The following PRKD1 variants were observed in gnomAD, a reference collection of about 807,000 sequenced individuals.
The protein encoded by PRKD1 is serine/threonine-protein kinase D1.
A neutral mutation model predicts 95.9 loss-of-function variants in PRKD1; 63 were observed. The observed-to-expected ratio is 0.66, with a 90% CI of 0.54 to 0.81. PRKD1 has a LOEUF of 0.81. Ranked by LOEUF, PRKD1 falls within the 30% of genes least tolerant of loss-of-function variation. The probability of loss-of-function intolerance (pLI) is 0.00; values close to 1 mark genes in which losing one functional copy is unlikely to be tolerated. For synonymous variants in PRKD1, 425 were observed against 423.1 expected (o/e 1.00, Z -0.05); for missense variants, 1,048 against 1,165.3 (o/e 0.90, Z 1.47).
intron 1 of PRKD1, among the ~76,000 whole-genome samples, chr14:29,890,023 T>G (rs1893882746): frequency 6.6e-6 from 1 of 152,262 alleles, no homozygotes; most frequent in Admixed American, 6.5e-5. Context: ...AATTTTCTAA[T>G]GAAGTTCTCA....
In PRKD1 at chr14:29,638,559, T is replaced by C. The variant is rs1256161575; in HGVS notation, c.915A>G (p.Arg305=). Residue 305 remains arginine (R), a synonymous_variant, in exon 6 of 18, where the codon AGA becomes AGG. Transcript: ENST00000331968. ...FRQGLQCKDC[R]FNCHKRCAPK... ...GTGCACAACGTTTATGGCAGTTGAA[T>C]CTGCAATCTAATCCCAGTGATTTTC... is the stretch of plus-strand genomic sequence containing the variant. The C allele has an allele frequency of 6.2e-7, 1 of 1,614,184 alleles. No homozygotes were observed. The highest frequency in any genetic ancestry group is 8.5e-7 in the Non-Finnish European group (1 of 1,180,008).
chr14:29,745,361 T>A (rs1048786106), intron 1 of PRKD1, among the ~76,000 whole-genome samples: 4 of 152,204 alleles, frequency 2.6e-5, no homozygotes, highest in African/African-American at 9.6e-5. Flanking sequence ...TACAACAGTG[T>A]CTGGTACACC....
At chr14:29,751,907 T>C (rs1290334012) in intron 1 of PRKD1, among the ~76,000 whole-genome samples, 1 of 152,240 alleles carries the variant, frequency 6.6e-6, no homozygotes, top group Non-Finnish European at 1.5e-5. Flanking sequence ...CATACACATG[T>C]GTACACACAA....
chr14:29,826,018 A>G (rs1381252090), intron 1 of PRKD1, among the ~76,000 whole-genome samples: 1 of 151,784 alleles, frequency 6.6e-6, no homozygotes, highest in East Asian at 1.9e-4. Flanking sequence ...TGGTACATGC[A>G]TGTTTATAGT....
chr14:29,769,227 C>G (rs1404735882), intron 1 of PRKD1, among the ~76,000 whole-genome samples: 6 of 152,102 alleles, frequency 3.9e-5, no homozygotes, highest in Admixed American at 3.9e-4. Context: ...GAGAGTAACT[C>G]CTCCATATGT....
chr14:29,807,532 G>A (rs866261846), intron 1 of PRKD1, among the ~76,000 whole-genome samples: 4 of 152,078 alleles, frequency 2.6e-5, no homozygotes, highest in Middle Eastern at 6.8e-3. Context: ...AAGTAGCTGG[G>A]ACTACCGGTG....
At chr14:29,911,781 G>A (rs1414757599) in intron 1 of PRKD1, among the ~76,000 whole-genome samples, 2 of 152,162 alleles carry the variant, frequency 1.3e-5, no homozygotes, top group Admixed American at 6.5e-5. Flanking sequence ...GAGATCAGAA[G>A]TCCAAACCAG....
chr14:29,721,600 C>G (rs1885899353), intron 2 of PRKD1, among the ~76,000 whole-genome samples: 1 of 152,084 alleles, frequency 6.6e-6, no homozygotes, highest in Admixed American at 6.6e-5. Flanking sequence ...AGAGGCCCAT[C>G]ATGAAGAAGG....
At chr14:29,641,602 C>T (rs1029546723) in intron 4 of PRKD1, among the ~76,000 whole-genome samples, 1 of 152,114 alleles carries the variant, frequency 6.6e-6, no homozygotes, top group Non-Finnish European at 1.5e-5. Flanking sequence ...TGTATACACA[C>T]ACATTTGCAT....
intron 1 of PRKD1, among the ~76,000 whole-genome samples, chr14:29,768,705 T>G (rs1888371411): frequency 1.4e-5 from 2 of 144,206 alleles, no homozygotes; most frequent in Middle Eastern, 3.6e-3. Context: ...TCTTTCTCCC[T>G]GATTAAAAAA....
intron 4 of PRKD1, chr14:29,657,307 G>T (rs1341190262): frequency 6.6e-6 from 1 of 152,152 alleles, no homozygotes; most frequent in African/African-American, 2.4e-5. Flanking sequence ...CTTTTGGGGG[G>T]CAGCTCTATC....
chr14:29,649,902 G>C (rs79791791), intron 4 of PRKD1, among the ~76,000 whole-genome samples: 1 of 152,026 alleles, frequency 6.6e-6, no homozygotes, highest in Non-Finnish European at 1.5e-5. Context: ...TTGGCCTTAC[G>C]CTTTGCTTAG....
intron 3 of PRKD1, among the ~76,000 whole-genome samples, chr14:29,664,810 T>G (rs921768185): frequency 6.6e-6 from 1 of 152,232 alleles, no homozygotes; most frequent in African/African-American, 2.4e-5. Context: ...TTCCACATTA[T>G]GATAAAATTA....
chr14:29,879,201 C>T (rs1261715848), intron 1 of PRKD1, among the ~76,000 whole-genome samples: 1 of 152,184 alleles, frequency 6.6e-6, no homozygotes, highest in Non-Finnish European at 1.5e-5. Flanking sequence ...ATTCCTAAAA[C>T]ACCCTGTGAT....
At chr14:29,854,483 C>T (rs1021779763) in intron 1 of PRKD1, among the ~76,000 whole-genome samples, 5 of 152,162 alleles carry the variant, frequency 3.3e-5, no homozygotes, top group Admixed American at 6.5e-5. Context: ...AATTTCTAAG[C>T]AGCAAAGCAT....
intron 2 of PRKD1, among the ~76,000 whole-genome samples, chr14:29,709,427 G>C (rs1368417417): frequency 1.3e-5 from 2 of 152,108 alleles, no homozygotes. Context: ...GTCAGGGAAG[G>C]GGCACACAAA....
chr14:29,644,118 G>A (rs1250285957), intron 4 of PRKD1, among the ~76,000 whole-genome samples: 7 of 152,116 alleles, frequency 4.6e-5, no homozygotes, highest in Non-Finnish European at 8.8e-5. Flanking sequence ...TGGATGAGAC[G>A]TTTCAATAGA....
chr14:29,885,853 C>T (rs962117066), intron 1 of PRKD1, among the ~76,000 whole-genome samples: 2 of 145,792 alleles, frequency 1.4e-5, no homozygotes. Context: ...GTGGCACGCA[C>T]CTACTCAGGA....
intron 1 of PRKD1, among the ~76,000 whole-genome samples, chr14:29,843,485 G>GA (rs1024873649): frequency 6.6e-6 from 1 of 152,152 alleles, no homozygotes; most frequent in Non-Finnish European, 1.5e-5. Context: ...TATAGAGCCT[G>GA]AAAAATGTCT....
Sources: allele counts gnomAD v4.1 joint callset (sites outside exome capture counted in the v4.1 genomes callset), GRCh38; gene constraint gnomAD v4.1.1; transcripts MANE v1.5; gene names NCBI Gene and HGNC (gene_info 2026-07-23, HGNC 2026-07-21).